Variants in DDAH1 observed in about 807,000 individuals in gnomAD.
DDAH1 encodes N(G),N(G)-dimethylarginine dimethylaminohydrolase 1.
Under a neutral mutation model 28.8 loss-of-function variants are expected in DDAH1, and 19 were observed. The observed-to-expected ratio is 0.66, with a 90% CI of 0.46 to 0.97. The LOEUF is 0.97. DDAH1 is among the 50% of genes least tolerant of loss of function. The pLI is 0.00. For missense variants in DDAH1, 326 were observed against 375.9 expected (o/e 0.87, Z 1.10); for synonymous variants, 153 against 154.4 (o/e 0.99, Z 0.07).
At chr1:85,458,938 C>CA (rs1655014125) in intron 1 of DDAH1, among the ~76,000 whole-genome samples, 2 of 151,954 alleles carry the variant, frequency 1.3e-5, no homozygotes, top group African/African-American at 2.4e-5. Context: ...GATCTCCAGT[C>CA]AAAAAATGAG....
chr1:85,434,947 A>G (rs1200825616), intron 1 of DDAH1, among the ~76,000 whole-genome samples: 1 of 152,060 alleles, frequency 6.6e-6, no homozygotes, highest in Non-Finnish European at 1.5e-5. Flanking sequence ...TCTTGACAGT[A>G]TATAATAAGT....
intron 5 of DDAH1, among the ~76,000 whole-genome samples, chr1:85,324,395 T>C (rs1313972440): frequency 6.6e-6 from 1 of 152,112 alleles, no homozygotes; most frequent in Non-Finnish European, 1.5e-5. Flanking sequence ...GACCATCTAA[T>C]TGTAGGTCTT....
intron 1 of DDAH1, among the ~76,000 whole-genome samples, chr1:85,424,036 G>A (rs1160059925): frequency 6.6e-6 from 1 of 152,084 alleles, no homozygotes; most frequent in Admixed American, 6.5e-5. Context: ...TTCAAATGCC[G>A]AATCAGCCTT....
At chr1:85,451,862 T>C (rs753027791) in intron 1 of DDAH1, among the ~76,000 whole-genome samples, 2 of 152,316 alleles carry the variant, frequency 1.3e-5, no homozygotes, top group East Asian at 1.9e-4. Flanking sequence ...GGCTTTCATA[T>C]GGCCATTTTA....
At chr1:85,467,763 T>TGAA (rs1655435972), upstream of DDAH1, 2 of 152,242 alleles carry the variant, frequency 1.3e-5, no homozygotes, top group Non-Finnish European at 2.9e-5. Flanking sequence ...ATTTTTCCCA[T>TGAA]GAATATTTAT....
At chr1:85,537,798 T>A (rs1389434525) in intron 1 of DDAH1, among the ~76,000 whole-genome samples, 3 of 151,566 alleles carry the variant, frequency 2.0e-5, no homozygotes, top group African/African-American at 7.3e-5. Flanking sequence ...TGGCATATTT[T>A]AATTGTTCTC....
At chr1:85,382,872 A>G (rs1349591014) in intron 1 of DDAH1, among the ~76,000 whole-genome samples, 3 of 152,216 alleles carry the variant, frequency 2.0e-5, no homozygotes, top group Non-Finnish European at 4.4e-5. Flanking sequence ...TGTTTACAGC[A>G]TGGTTTGCTG....
chr1:85,445,484 C>T (rs549978338), intron 1 of DDAH1, among the ~76,000 whole-genome samples: 2 of 152,246 alleles, frequency 1.3e-5, no homozygotes, highest in South Asian at 4.1e-4. Context: ...TATATGGCAT[C>T]AATTTAGGAC....
chr1:85,455,936 T>A (rs1195013013), intron 1 of DDAH1, among the ~76,000 whole-genome samples: 1 of 152,236 alleles, frequency 6.6e-6, no homozygotes, highest in African/African-American at 2.4e-5. Context: ...AGAAAAAGTA[T>A]AATGTCTTTG....
intron 1 of DDAH1, among the ~76,000 whole-genome samples, chr1:85,359,763 A>T: frequency 6.6e-6 from 1 of 152,358 alleles, no homozygotes; most frequent in Non-Finnish European, 1.5e-5. Flanking sequence ...AAACCAATGA[A>T]TATTTGAAAA....
At chr1:85,329,118 G>A (rs922272483) in intron 4 of DDAH1, among the ~76,000 whole-genome samples, 2 of 152,206 alleles carry the variant, frequency 1.3e-5, no homozygotes, top group East Asian at 1.9e-4. Flanking sequence ...ATGCATGTCC[G>A]GAGGTGACTA....
intron 1 of DDAH1, among the ~76,000 whole-genome samples, chr1:85,557,694 G>C (rs1207248601): frequency 6.6e-6 from 1 of 152,182 alleles, no homozygotes; most frequent in African/African-American, 2.4e-5. Context: ...GAATGTGATT[G>C]TATTTGGAGA....
chr1:85,404,310 GTA>G (rs1158027265), intron 1 of DDAH1: 1 of 1,454,198 alleles, frequency 6.9e-7, no homozygotes, highest in Non-Finnish European at 9.3e-7. Flanking sequence ...ACTTCTGCCT[GTA>G]GGATTGCAGT....
At chr1:85,564,775 C>T (rs189397637) in intron 1 of DDAH1, among the ~76,000 whole-genome samples, 2 of 151,358 alleles carry the variant, frequency 1.3e-5, no homozygotes, top group African/African-American at 4.9e-5. Context: ...GAGGCTGAGG[C>T]ATGAGAATCA....
chr1:85,475,855 G>A (rs1303501051), intron 2 of DDAH1, among the ~76,000 whole-genome samples: 2 of 151,892 alleles, frequency 1.3e-5, no homozygotes, highest in African/African-American at 4.8e-5. Flanking sequence ...GTTTGTTTTT[G>A]GTTTTGGTTT....
At chr1:85,418,875 C>T (rs1005592891) in intron 1 of DDAH1, among the ~76,000 whole-genome samples, 2 of 152,122 alleles carry the variant, frequency 1.3e-5, no homozygotes, top group African/African-American at 2.4e-5. Context: ...GATTATAGGT[C>T]AGGACAGGAG....
chr1:85,490,234 A>C (rs1409460559), intron 2 of DDAH1, among the ~76,000 whole-genome samples: 1 of 152,200 alleles, frequency 6.6e-6, no homozygotes, highest in Non-Finnish European at 1.5e-5. Context: ...TTGAGGTAAA[A>C]ATAGTTTAGA....
At chr1:85,481,027 T>C (rs1199181355) in intron 2 of DDAH1, among the ~76,000 whole-genome samples, 2 of 151,678 alleles carry the variant, frequency 1.3e-5, no homozygotes, top group East Asian at 1.9e-4. Flanking sequence ...TAAAATTTTA[T>C]GTGTTTTCCA....
chr1:85,460,862 A>G (rs1344536083), intron 1 of DDAH1, among the ~76,000 whole-genome samples: 1 of 152,224 alleles, frequency 6.6e-6, no homozygotes, highest in Non-Finnish European at 1.5e-5. Context: ...AATTATCTAC[A>G]CAAAAGTTTT....
Sources: allele counts gnomAD v4.1 joint callset (sites outside exome capture counted in the v4.1 genomes callset), GRCh38; gene constraint gnomAD v4.1.1; transcripts MANE v1.5; gene names NCBI Gene and HGNC (gene_info 2026-07-23, HGNC 2026-07-21).